MBNL1: variants seen among roughly 807,000 people sequenced by gnomAD.
The protein encoded by MBNL1 is muscleblind-like protein 1.
A neutral mutation model predicts 42.2 loss-of-function variants in MBNL1; 8 were observed. That is an observed-to-expected ratio of 0.19 (90% confidence interval 0.11 to 0.34). MBNL1 has a LOEUF of 0.34. Among genes scored for constraint, MBNL1 ranks in the 10% least tolerant of loss-of-function variants. MBNL1 has a pLI of 1.00. For synonymous variants in MBNL1, 169 were observed against 173.9 expected, an observed-to-expected ratio of 0.97 and a Z score of 0.22; for missense variants, 309 against 495.3, an observed-to-expected ratio of 0.62 and a Z score of 3.57.
chr3:152,321,717 T>C (rs952720166), intron 2 of MBNL1, among the ~76,000 whole-genome samples: 3 of 152,070 alleles, frequency 2.0e-5, no homozygotes, highest in Non-Finnish European at 4.4e-5. Context: ...CTGGTGTCCC[T>C]TTCTCCATCA....
In MBNL1 at chr3:152,334,784, T is replaced by A. The variant is rs148711820; in HGVS notation, c.174+34417T>A. Among the ~76,000 whole-genome samples, 981 of 152,310 alleles carry A rather than the reference T, an allele frequency of 6.4e-3. 9 individuals carry two copies. Among genetic ancestry groups the A allele is most frequent in the African/African-American group, 0.023 (938 of 41,572 alleles). On this transcript the variant is annotated intron_variant, in intron 2 of 9. Transcript: ENST00000324210. Reference sequence around the variant, plus strand: ...GAAAATTTAAAAAGGATTCATCAAGTCTTCCTTATAATAAAGTAAACTTTT... The same window carrying A: ...GAAAATTTAAAAAGGATTCATCAAGACTTCCTTATAATAAAGTAAACTTTT...
At chr3:152,417,629 T>C (rs2098723834) in intron 3 of MBNL1, among the ~76,000 whole-genome samples, 3 of 152,060 alleles carry the variant, frequency 2.0e-5, no homozygotes, top group South Asian at 2.1e-4. Context: ...CATCTAGTAT[T>C]ATGCCTGGCA....
chr3:152,249,969 T>C (rs2034234944), intron 2 of MBNL1, among the ~76,000 whole-genome samples: 1 of 147,832 alleles, frequency 6.8e-6, no homozygotes, highest in African/African-American at 2.5e-5. Context: ...TTCTGTTCCA[T>C]TGATCTATAT....
intron 7 of MBNL1, 59 bp from the exon 8 acceptor site, chr3:152,456,208 T>C: frequency 8.6e-7 from 1 of 1,157,472 alleles, no homozygotes; most frequent in African/African-American, 1.5e-5. Flanking sequence ...CATGTTGCCA[T>C]GGTTTCCATA....
At chr3:152,400,559 G>T (rs185913368) in intron 2 of MBNL1, among the ~76,000 whole-genome samples, 2 of 152,256 alleles carry the variant, frequency 1.3e-5, no homozygotes, top group Admixed American at 6.5e-5. Flanking sequence ...GCTCTCATGG[G>T]TACATTGATG....
intron 1 of MBNL1, among the ~76,000 whole-genome samples, chr3:152,281,300 C>G (rs2150357687): frequency 1.3e-5 from 2 of 152,124 alleles, no homozygotes; most frequent in Middle Eastern, 3.4e-3. Context: ...TGCTGTTTTT[C>G]TGCTTGTTTA....
intron 1 of MBNL1, among the ~76,000 whole-genome samples, chr3:152,271,412 C>T (rs1297834472): frequency 6.6e-6 from 1 of 152,134 alleles, no homozygotes; most frequent in Non-Finnish European, 1.5e-5. Context: ...AATGCCTTAT[C>T]TTCATTATAA....
chr3:152,438,340 C>G (rs1445930698), intron 4 of MBNL1, among the ~76,000 whole-genome samples: 1 of 152,160 alleles, frequency 6.6e-6, no homozygotes, highest in African/African-American at 2.4e-5. Flanking sequence ...TGCCCAGTAA[C>G]TTGTTAAATG....
intron 2 of MBNL1, among the ~76,000 whole-genome samples, chr3:152,348,888 T>C (rs771087757): frequency 6.6e-6 from 1 of 152,044 alleles, no homozygotes; most frequent in Non-Finnish European, 1.5e-5. Context: ...CTGGACTTGA[T>C]ATGATCATAG....
In MBNL1 at chr3:152,445,427, A is replaced by G; in HGVS notation, c.695A>G (p.Glu232Gly). ...TACATCAAAGGGAGATGCTCTCGGG[A>G]AAAGTGCAAATACTTTCATCCCCCT... Reference protein sequence around the residue: ...MDYIKGRCSREKCKYFHPPAH... With the variant: ...MDYIKGRCSRGKCKYFHPPAH... The change falls in exon 5 of 10, where the codon GAA becomes GGA. Residue 232 changes from glutamate (E) to glycine (G), a missense_variant. By Grantham distance (98) the Glu-to-Gly change is moderately conservative. Transcript: ENST00000324210. 1 of 1,614,120 alleles carries G rather than the reference A, an allele frequency of 6.2e-7. No individual in the cohort carries two copies. The highest frequency in any genetic ancestry group is 8.5e-7 in the Non-Finnish European group (1 of 1,179,974).
rs1412875025 is a variant in MBNL1, at chr3:152,286,196, G to T, written c.-789-13209G>T. Among the ~76,000 whole-genome samples, 9 of 150,240 alleles carry T rather than the reference G, an allele frequency of 6.0e-5. 1 individual carries two copies. The highest frequency in any genetic ancestry group is 9.7e-5 in the African/African-American group (4 of 41,050). ...GGTTTTTGTTGTATATGAAGAAAAC[G>T]ATTTGACTAAATCCAATGTAAATGT... On this transcript the variant is annotated intron_variant, in intron 1 of 9. Transcript: ENST00000324210.
chr3:152,374,473 A>C (rs1160536380), intron 2 of MBNL1, among the ~76,000 whole-genome samples: 1 of 152,136 alleles, frequency 6.6e-6, no homozygotes, highest in Admixed American at 6.6e-5. Context: ...CTCTATTATA[A>C]ATCACTAAGT....
intron 2 of MBNL1, chr3:152,338,528 CT>C: frequency 1.0e-6 from 1 of 985,396 alleles, no homozygotes; most frequent in Non-Finnish European, 1.2e-6. Flanking sequence ...AACCCTGAAA[CT>C]TTCCTAGCCT....
rs1319706691 is a variant in MBNL1, at chr3:152,286,455, TATAAATATATTTTATTTATAA to T, written c.-789-12949_-789-12929del. ...ATAAATATTTATATTTTATTTATAA[TATAAATATATTTTATTTATAA>T]TATAAATATATTTTATTTATAATAT... is the stretch of plus-strand genomic sequence containing the variant. On this transcript the variant is annotated intron_variant, in intron 1 of 9. Coordinates refer to ENST00000324210, the MANE Select transcript of MBNL1 (RefSeq NM_021038.5). Among the ~76,000 whole-genome samples, 160 of 76,846 alleles carry T rather than the reference TATAAATATATTTTATTTATAA, an allele frequency of 2.1e-3. 4 individuals carry two copies. Among genetic ancestry groups the T allele is most frequent in the African/African-American group, 7.8e-3 (149 of 19,186 alleles). The allele number at this position is 76,846 out of a possible 152,430, so 50.4% of individuals were successfully genotyped here.
chr3:152,415,568 C>T (rs2098686208), intron 3 of MBNL1, among the ~76,000 whole-genome samples: 1 of 152,118 alleles, frequency 6.6e-6, no homozygotes, highest in Admixed American at 6.6e-5. Flanking sequence ...GAAAAGGTAC[C>T]TTTCTTGTTC....
chr3:152,253,676 G>C (rs1344401430), intron 2 of MBNL1, among the ~76,000 whole-genome samples: 1 of 151,900 alleles, frequency 6.6e-6, no homozygotes, highest in African/African-American at 2.4e-5. Context: ...GTTCCCCCCA[G>C]AGTATTCTGA....
rs981895791 is a variant in MBNL1, at chr3:152,464,326, A to G, written c.*1960A>G. 1 of 152,536 alleles carries G rather than the reference A, an allele frequency of 6.6e-6. No individual in the cohort carries two copies. The highest frequency in any genetic ancestry group is 1.5e-5 in the Non-Finnish European group (1 of 67,966). The allele number at this position is 152,536 out of a possible 1,614,324, so 9.4% of individuals were successfully genotyped here. A position where few individuals can be genotyped will look rare whatever the true frequency, so the allele number is the denominator to read the frequency against. ...ATTCGTATTGTTAACTAAATGATTT[A>G]TATTTTACTGATTTAATATTACAGT... On this transcript the variant is annotated 3_prime_UTR_variant, in exon 10 of 10. Transcript: ENST00000324210.
chr3:152,256,708 G>T (rs764569104), intron 2 of MBNL1, among the ~76,000 whole-genome samples: 1 of 152,118 alleles, frequency 6.6e-6, no homozygotes, highest in African/African-American at 2.4e-5. Flanking sequence ...ATACAGAATA[G>T]CTTACTGAAA....
chr3:152,346,894 A>AG (rs1475828011), intron 2 of MBNL1, among the ~76,000 whole-genome samples: 1 of 151,580 alleles, frequency 6.6e-6, no homozygotes, highest in East Asian at 1.9e-4. Flanking sequence ...AAAAAAAAAA[A>AG]AAAACCAGTC....
Sources: gnomAD v4.1 joint callset for allele counts (sites outside exome capture counted in the v4.1 genomes callset) on GRCh38, gnomAD v4.1.1 for gene constraint, MANE v1.5 for transcripts, NCBI Gene and HGNC (gene_info 2026-07-23, HGNC 2026-07-21) for gene names.